Variants in PITHD1 observed in about 807,000 individuals in gnomAD.
PITHD1 encodes PITH domain containing 1, also known as PITH domain-containing protein 1.
Under a neutral mutation model 27.5 loss-of-function variants are expected in PITHD1, and 8 were observed. The observed-to-expected ratio is 0.29, with a 90% confidence interval of 0.17 to 0.52. The LOEUF (loss-of-function observed/expected upper bound fraction) is 0.52. Among genes scored for constraint, PITHD1 ranks in the 20% least tolerant of loss-of-function variants. The probability of loss-of-function intolerance (pLI) is 0.96; values close to 1 mark genes in which losing one functional copy is unlikely to be tolerated. For synonymous variants in PITHD1, 118 were observed against 106.8 expected (o/e 1.10, Z -0.64); for missense variants, 233 against 283.9 (o/e 0.82, Z 1.29).
At chr1:23,782,044 A>G (rs955628241) in intron 3 of PITHD1, among the ~76,000 whole-genome samples, 1 of 152,248 alleles carries the variant, frequency 6.6e-6, no homozygotes, top group Non-Finnish European at 1.5e-5. Context: ...ATGACATGTC[A>G]TTGACACATC....
chr1:23,786,203 CTGACTT>C, intron 4 of PITHD1, 106 bp from the exon 5 acceptor site: 1 of 558,364 alleles, frequency 1.8e-6, no homozygotes, highest in Non-Finnish European at 3.3e-6. Context: ...CTCAGGAGCT[CTGACTT>C]TGCCTGGCTT....
chr1:23,779,959 A>G lies in PITHD1; in HGVS notation c.320+18A>G, dbSNP rs1638571307. On this transcript the variant is annotated intron_variant, in intron 3 of 5. Transcript: ENST00000246151. ...ATGAGACTGTAAGTGGCAAAGGCTT[A>G]GGCCCTCAAAGGAGCTCCTAATTCT... is the stretch of plus-strand genomic sequence containing the variant. The G allele has an allele frequency of 6.8e-7, 1 of 1,463,820 alleles. No homozygotes were observed. Among genetic ancestry groups the G allele is most frequent in the South Asian group, 1.1e-5 (1 of 87,988 alleles). The allele number at this position is 1,463,820 out of a possible 1,614,324, so 90.7% of individuals were successfully genotyped here.
At chr1:23,780,298 A>G (rs1638578270) in intron 3 of PITHD1, among the ~76,000 whole-genome samples, 1 of 152,028 alleles carries the variant, frequency 6.6e-6, no homozygotes, top group African/African-American at 2.4e-5. Context: ...TAGCTTCAAC[A>G]TTTTTCCTTG....
chr1:23,786,289 C>G, intron 4 of PITHD1, 26 bp from the exon 5 acceptor site: 2 of 1,037,186 alleles, frequency 1.9e-6, no homozygotes, highest in East Asian at 2.4e-5. Flanking sequence ...TTCATACCTT[C>G]TTTCCCTATT....
In PITHD1 at chr1:23,786,675, C is replaced by T. The variant is rs757390740; in HGVS notation, c.534+252C>T. 1.0e-4 allele frequency among the ~76,000 whole-genome samples: 15 copies of T among 150,378 alleles called. No homozygotes were observed. In the South Asian group the frequency reaches 1.3e-3, roughly 13 times the overall value. On this transcript the variant is annotated intron_variant, in intron 5 of 5. Coordinates refer to ENST00000246151, the MANE Select transcript of PITHD1 (RefSeq NM_020362.5). The stretch of plus-strand genomic sequence containing the variant: ...ATATATCTCAGCTCACTGCGACCTC[C>T]GCCTCCCAGGTTCAAGTGATTCTCC...
chr1:23,781,103 G>A (rs917295924), intron 3 of PITHD1, among the ~76,000 whole-genome samples: 4 of 151,864 alleles, frequency 2.6e-5, no homozygotes, highest in African/African-American at 4.8e-5. Flanking sequence ...CAGGAGAATC[G>A]CTTGAACCCA....
chr1:23,778,729 C>T lies in PITHD1; in HGVS notation c.198+16C>T. ...CCGCTCCAAGGTGGGCCGCCTGGGG[C>T]TTGGGGCGGGCGGGGCAGGGTGCGT... On this transcript the variant is annotated intron_variant, in intron 1 of 5. Transcript: ENST00000246151. 3 of 1,261,796 alleles carry T rather than the reference C, an allele frequency of 2.4e-6. No individual in the cohort carries two copies. The highest frequency in any genetic ancestry group is 3.0e-6 in the Non-Finnish European group (3 of 1,000,908). 78.2% of individuals were successfully genotyped at this position (1,261,796 alleles called of 1,614,324 possible). A position where few individuals can be genotyped will look rare whatever the true frequency, so the allele number is the denominator to read the frequency against.
In PITHD1 at chr1:23,782,103, T is replaced by TGA. The variant is rs545399927; in HGVS notation, c.320+2164_320+2165dup. 6.1e-3 allele frequency among the ~76,000 whole-genome samples: 930 copies of TGA among 152,294 alleles called. 3 individuals are homozygous for TGA. The highest frequency in any genetic ancestry group is 9.7e-3 in the Non-Finnish European group (660 of 68,032). On this transcript the variant is annotated intron_variant, in intron 3 of 5. Transcript: ENST00000246151. Reference sequence around the variant, plus strand: ...TAAATCAGGGAAGTTTGAACACAGATGAGGTGTTACATGTTACTAAAGAAT... The same window carrying TGA: ...TAAATCAGGGAAGTTTGAACACAGATGAGAGGTGTTACATGTTACTAAAGAAT...
At chr1:23,779,377 A>C in intron 1 of PITHD1, 61 bp from the exon 2 acceptor site, 1 of 1,352,796 alleles carries the variant, frequency 7.4e-7, no homozygotes, top group Non-Finnish European at 1.1e-6. Flanking sequence ...GAGATGCCTG[A>C]AATTGTAGGC....
intron 3 of PITHD1, 55 bp from the exon 4 acceptor site, chr1:23,785,620 A>C (rs1638671158): frequency 1.6e-5 from 18 of 1,152,884 alleles, no homozygotes; most frequent in Non-Finnish European, 2.1e-5. Context: ...AAATTTTGAA[A>C]ACCTGAAACG....
At chr1:23,786,669 G>A (rs1455475806) in intron 5 of PITHD1, among the ~76,000 whole-genome samples, 3 of 149,652 alleles carry the variant, frequency 2.0e-5, no homozygotes, top group Admixed American at 1.3e-4. Context: ...AGCTCACTGC[G>A]ACCTCCGCCT....
chr1:23,779,093 C>T (rs1329465549), intron 1 of PITHD1, among the ~76,000 whole-genome samples: 1 of 152,130 alleles, frequency 6.6e-6, no homozygotes, highest in Non-Finnish European at 1.5e-5. Context: ...ATGTTCTTTA[C>T]ATTGTGGGGT....
At position 23,778,584 on chromosome 1, in the gene PITHD1, G is replaced by C; in HGVS notation, c.69G>C (p.Glu23Asp). 1 of 1,341,200 alleles carries C rather than the reference G, an allele frequency of 7.5e-7. No individual in the cohort carries two copies. The highest frequency in any genetic ancestry group is 1.5e-5 in the African/African-American group (1 of 65,298). 83.1% of individuals were successfully genotyped at this position (1,341,200 alleles called of 1,614,324 possible). Residue 23 changes from glutamate to aspartate, a missense_variant, in exon 1 of 6, where the codon GAG (glutamate) becomes GAC (aspartate). Glu to Asp is a conservative substitution (Grantham distance 45, BLOSUM62 2). Transcript: ENST00000246151. ...CCGCCGAACGGGAGGAGCCGCCCGA[G>C]CAGCGCGGCCTGGCCTACGGCCTGT... ...RCAAEREEPPEQRGLAYGLYL... is the reference protein window; with the variant it reads ...RCAAEREEPPDQRGLAYGLYL...
chr1:23,778,440 G>A lies in PITHD1; in HGVS notation c.-76G>A. The A allele has an allele frequency of 1.9e-6, 2 of 1,061,578 alleles. No homozygotes were observed. The highest frequency in any genetic ancestry group is 1.2e-6 in the Non-Finnish European group (1 of 824,714). 65.8% of individuals were successfully genotyped at this position (1,061,578 alleles called of 1,614,324 possible). A position where few individuals can be genotyped will look rare whatever the true frequency, so the allele number is the denominator to read the frequency against. On this transcript the variant is annotated 5_prime_UTR_variant, in exon 1 of 6. Transcript: ENST00000246151. ...CTTAGTTGCCGGAGCTGAACGGCGC[G>A]GAGCTGGTCTGAGGCGAGCCGAGCC...
chr1:23,778,766 G>T, intron 1 of PITHD1, 53 bp downstream of exon 1: 1 of 1,068,428 alleles, frequency 9.4e-7, no homozygotes, highest in Non-Finnish European at 1.2e-6. Context: ...TGGGGCCTCG[G>T]GCCGTCGGTC....
Position 23,787,828 on chromosome 1 carries a change from C to T in PITHD1, c.*452C>T, listed in dbSNP as rs1295954222. 6.5e-6 allele frequency: 1 copy of T among 152,910 alleles called. No homozygotes were observed. Among genetic ancestry groups the T allele is most frequent in the Non-Finnish European group, 1.5e-5 (1 of 68,550 alleles). The allele number at this position is 152,910 out of a possible 1,614,324, so 9.5% of individuals were successfully genotyped here. On this transcript the variant is annotated 3_prime_UTR_variant, in exon 6 of 6. Transcript: ENST00000246151. Reference sequence around the variant, plus strand: ...TAGTAGCCATCAGGAGGGTCTCCAACTAAAACACTTGTTCCTGCTTGCTCC... The same window carrying T: ...TAGTAGCCATCAGGAGGGTCTCCAATTAAAACACTTGTTCCTGCTTGCTCC...
rs41268123 is a variant in PITHD1 at position 23,786,411 on chromosome 1, A to C, written c.522A>C (p.Gly174=). 3,307 of 1,571,812 alleles carry C rather than the reference A, an allele frequency of 2.1e-3. 5 individuals carry two copies. Among genetic ancestry groups the C allele is most frequent in the Non-Finnish European group, 2.5e-3 (2,900 of 1,144,156 alleles). The change falls in exon 5 of 6, where the codon GGA becomes GGC. Residue 174 remains glycine (G), a synonymous_variant. Coordinates refer to ENST00000246151, the MANE Select transcript of PITHD1 (RefSeq NM_020362.5). ...TTKVFYIGLR[G]EWTELRRHEV... ...AGGTCTTTTATATTGGCCTGAGAGG[A>C]GAGTGGACTGAGGTAAGATGGGGTT...
chr1:23,778,911 G>C (rs1638552742), intron 1 of PITHD1, among the ~76,000 whole-genome samples, 198 bp downstream of exon 1: 1 of 152,188 alleles, frequency 6.6e-6, no homozygotes, highest in Non-Finnish European at 1.5e-5. Flanking sequence ...GGCCTAGAGG[G>C]AACGGGGACA....
chr1:23,787,382 G>T lies in PITHD1; in HGVS notation c.*6G>T. On this transcript the variant is annotated 3_prime_UTR_variant, in exon 6 of 6. Coordinates refer to ENST00000246151, the MANE Select transcript of PITHD1 (RefSeq NM_020362.5). Reference sequence around the variant, plus strand: ...AGACACACTTTATTTCCTAAGGGCTGGCCAAGGCTCCCATAGAGGCGCTGT... The same window carrying T: ...AGACACACTTTATTTCCTAAGGGCTTGCCAAGGCTCCCATAGAGGCGCTGT... The T allele has an allele frequency of 6.6e-7, 1 of 1,503,944 alleles. No homozygotes were observed. Among genetic ancestry groups the T allele is most frequent in the Non-Finnish European group, 9.2e-7 (1 of 1,081,342 alleles). The allele number at this position is 1,503,944 out of a possible 1,614,324, so 93.2% of individuals were successfully genotyped here. A position where few individuals can be genotyped will look rare whatever the true frequency, so the allele number is the denominator to read the frequency against.
Sources: allele counts gnomAD v4.1 joint callset (sites outside exome capture counted in the v4.1 genomes callset), GRCh38; gene constraint gnomAD v4.1.1; transcripts MANE v1.5; gene names NCBI Gene and HGNC (gene_info 2026-07-23, HGNC 2026-07-21).